The following SNX24 variants were observed in gnomAD, a reference collection of about 807,000 sequenced individuals.
The protein encoded by SNX24 is sorting nexin 24.
SNX24 carries 22 observed loss-of-function variants against 28.7 expected under a neutral mutation model. The ratio of observed to expected loss-of-function variants is 0.77; its 90% confidence interval spans 0.55 to 1.10. The LOEUF (loss-of-function observed/expected upper bound fraction) is 1.10, where lower values mean the gene tolerates loss of function less well. Among genes scored for constraint, SNX24 ranks in the 50% least tolerant of loss-of-function variants. The pLI, the probability that SNX24 is intolerant of heterozygous loss-of-function variation, is 0.00. For synonymous variants in SNX24, 69 were observed against 71.5 expected (o/e 0.96, Z 0.18); for missense variants, 221 against 201.1 (o/e 1.10, Z -0.60).
At chr5:123,019,269 T>C (rs923153856) in intron 5 of SNX24, among the ~76,000 whole-genome samples, 6 of 152,096 alleles carry the variant, frequency 3.9e-5, no homozygotes, top group African/African-American at 1.5e-4. Context: ...CAAATACTGT[T>C]TTTAATTCTT....
At chr5:122,950,129 C>T (rs1262065450) in intron 3 of SNX24, among the ~76,000 whole-genome samples, 1 of 152,120 alleles carries the variant, frequency 6.6e-6, no homozygotes, top group Non-Finnish European at 1.5e-5. Context: ...CAGTACCTTT[C>T]TATATGAGTG....
At chr5:122,955,703 C>A (rs887961057) in intron 3 of SNX24, among the ~76,000 whole-genome samples, 3 of 152,096 alleles carry the variant, frequency 2.0e-5, no homozygotes, top group Non-Finnish European at 4.4e-5. Context: ...TCTGATGCCA[C>A]CATAGAAGAG....
chr5:122,975,095 C>T (rs1761113460), intron 3 of SNX24, among the ~76,000 whole-genome samples: 1 of 152,230 alleles, frequency 6.6e-6, no homozygotes, highest in South Asian at 2.1e-4. Context: ...TTCTCCACAT[C>T]CAGGTGTGCT....
chr5:122,917,338 G>A (rs1758223762), intron 1 of SNX24, among the ~76,000 whole-genome samples: 1 of 151,944 alleles, frequency 6.6e-6, no homozygotes, highest in Non-Finnish European at 1.5e-5. Flanking sequence ...GAAGACCTCT[G>A]GCCCTGCTCT....
chr5:123,013,188 A>C (rs1016467828), downstream of SNX24, among the ~76,000 whole-genome samples: 1 of 152,218 alleles, frequency 6.6e-6, no homozygotes, highest in East Asian at 1.9e-4. Context: ...TCATTCATTC[A>C]GTTGTTCAGT....
At chr5:122,856,751 A>G (rs154514) in intron 1 of SNX24, among the ~76,000 whole-genome samples, 122,360 of 151,962 alleles carry the variant, frequency 0.81, 50,035 homozygotes, top group East Asian at 0.99. Flanking sequence ...CCTGACCTCA[A>G]GTGATCTGCC....
At chr5:122,941,483 TG>T (rs1759442436) in intron 2 of SNX24, among the ~76,000 whole-genome samples, 1 of 152,204 alleles carries the variant, frequency 6.6e-6, no homozygotes, top group South Asian at 2.1e-4. Flanking sequence ...ACCAAGACAT[TG>T]CAAGTTCTCC....
At chr5:122,924,114 C>T (rs1209128272) in intron 1 of SNX24, among the ~76,000 whole-genome samples, 1 of 152,046 alleles carries the variant, frequency 6.6e-6, no homozygotes, top group Non-Finnish European at 1.5e-5. Flanking sequence ...TCAAAGACCC[C>T]CAGTGGATGG....
intron 5 of SNX24, among the ~76,000 whole-genome samples, chr5:123,020,848 A>G (rs922155264): frequency 6.6e-6 from 1 of 152,202 alleles, no homozygotes; most frequent in African/African-American, 2.4e-5. Flanking sequence ...ACATTCTTTC[A>G]GAAAGATGGC....
chr5:122,899,410 T>A (rs1385646433), intron 1 of SNX24, among the ~76,000 whole-genome samples: 1 of 152,190 alleles, frequency 6.6e-6, no homozygotes, highest in East Asian at 1.9e-4. Flanking sequence ...TGAATATTTT[T>A]ATTTTTATTT....
chr5:122,918,605 G>A (rs1758286522), intron 1 of SNX24, among the ~76,000 whole-genome samples: 4 of 152,178 alleles, frequency 2.6e-5, no homozygotes, highest in Non-Finnish European at 5.9e-5. Flanking sequence ...TCTGTCCTGT[G>A]TCTAGTACAC....
intron 1 of SNX24, among the ~76,000 whole-genome samples, chr5:122,912,636 A>G (rs1561584656): frequency 6.6e-6 from 1 of 152,050 alleles, no homozygotes; most frequent in African/African-American, 2.4e-5. Flanking sequence ...ATTTTGAGAT[A>G]CGTCCCATCA....
chr5:122,973,814 A>G (rs767329197), intron 3 of SNX24, among the ~76,000 whole-genome samples: 6 of 152,206 alleles, frequency 3.9e-5, no homozygotes, highest in Non-Finnish European at 8.8e-5. Flanking sequence ...AAAGGAGAGT[A>G]GTTATCTGCA....
intron 6 of SNX24, among the ~76,000 whole-genome samples, chr5:123,003,576 G>A (rs1046538029): frequency 3.9e-5 from 6 of 152,214 alleles, no homozygotes; most frequent in Non-Finnish European, 8.8e-5. Context: ...TGTAGACAGT[G>A]AAATGGTTAC....
At chr5:123,016,139 TG>T (rs1561740742) in intron 5 of SNX24, among the ~76,000 whole-genome samples, 1 of 152,180 alleles carries the variant, frequency 6.6e-6, no homozygotes, top group East Asian at 1.9e-4. Context: ...TACAGAATAA[TG>T]TGATATTGGC....
At chr5:122,849,509 G>A (rs1429333367) in intron 1 of SNX24, among the ~76,000 whole-genome samples, 1 of 151,596 alleles carries the variant, frequency 6.6e-6, no homozygotes, top group African/African-American at 2.4e-5. Context: ...AATCTAATTA[G>A]GTTTTTGCTA....
chr5:122,862,615 A>C (rs937685110), intron 1 of SNX24, among the ~76,000 whole-genome samples: 3 of 151,678 alleles, frequency 2.0e-5, no homozygotes, highest in African/African-American at 7.3e-5. Context: ...AAAAAAAAAA[A>C]AAAAGAGAAA....
intron 3 of SNX24, among the ~76,000 whole-genome samples, chr5:122,960,118 T>C (rs919370331): frequency 2.6e-5 from 4 of 152,246 alleles, no homozygotes; most frequent in African/African-American, 4.8e-5. Flanking sequence ...TCCTTCCCCA[T>C]GATGCAGTAA....
chr5:122,985,882 A>T (rs1198781831), intron 3 of SNX24, among the ~76,000 whole-genome samples: 1 of 152,242 alleles, frequency 6.6e-6, no homozygotes, highest in Non-Finnish European at 1.5e-5. Flanking sequence ...GCAGAGATAC[A>T]GTGATGATGA....
Sources: allele counts gnomAD v4.1 joint callset (sites outside exome capture counted in the v4.1 genomes callset), GRCh38; gene constraint gnomAD v4.1.1; transcripts MANE v1.5; gene names NCBI Gene and HGNC (gene_info 2026-07-23, HGNC 2026-07-21).